The following SUGCT variants were observed in gnomAD, a reference collection of about 807,000 sequenced individuals.
The protein encoded by SUGCT is succinyl-CoA:glutarate-CoA transferase, also known as succinyl-CoA:glutarate CoA-transferase.
Under a neutral mutation model 55.0 loss-of-function variants are expected in SUGCT, and 41 were observed. The ratio of observed to expected loss-of-function variants is 0.74; its 90% CI spans 0.58 to 0.97. The LOEUF (loss-of-function observed/expected upper bound fraction) is 0.97, where lower values mean the gene tolerates loss of function less well. Among genes scored for constraint, SUGCT ranks in the 50% least tolerant of loss-of-function variants. The pLI is 0.00. For missense variants in SUGCT, 568 were observed against 547.8 expected (o/e 1.04, Z -0.37); for synonymous variants, 187 against 200.4 (o/e 0.93, Z 0.56).
intron 13 of SUGCT, among the ~76,000 whole-genome samples, chr7:40,839,560 T>G (rs2128787502): frequency 6.6e-6 from 1 of 152,344 alleles, no homozygotes; most frequent in East Asian, 1.9e-4. Context: ...TTAGAAAATT[T>G]TAAATTATGA....
chr7:40,706,505 C>CA (rs945060356), intron 12 of SUGCT, among the ~76,000 whole-genome samples: 1 of 151,098 alleles, frequency 6.6e-6, no homozygotes, highest in African/African-American at 2.4e-5. Flanking sequence ...GACTCTGTCT[C>CA]AAAAAAAAGA....
chr7:40,397,230 C>G (rs901134213), intron 9 of SUGCT, among the ~76,000 whole-genome samples: 2 of 152,140 alleles, frequency 1.3e-5, no homozygotes, highest in East Asian at 3.9e-4. Flanking sequence ...GTGGTTGGAA[C>G]TTTGCTTATA....
At chr7:40,931,902 T>A in the SUGCT span, among the ~76,000 whole-genome samples, 1 of 152,022 alleles carries the variant, frequency 6.6e-6, no homozygotes, top group Admixed American at 6.6e-5. Context: ...TTTTGAAGGG[T>A]TTTTTTGTGT....
the SUGCT span, among the ~76,000 whole-genome samples, chr7:40,983,270 TTACTGCTACTGAA>T: frequency 1.3e-5 from 2 of 152,130 alleles, no homozygotes; most frequent in Non-Finnish European, 2.9e-5. Flanking sequence ...CCATGCTTGT[TTACTGCTACTGAA>T]CACATCATTC....
At chr7:40,399,267 A>T (rs1291745626) in intron 9 of SUGCT, among the ~76,000 whole-genome samples, 1 of 152,200 alleles carries the variant, frequency 6.6e-6, no homozygotes, top group Non-Finnish European at 1.5e-5. Flanking sequence ...AGCCAAGGAA[A>T]AAAAATGTTG....
chr7:40,395,536 G>A (rs1027780625), intron 9 of SUGCT, among the ~76,000 whole-genome samples: 1 of 147,148 alleles, frequency 6.8e-6, no homozygotes, highest in Admixed American at 6.8e-5. Context: ...TCAATTTTGA[G>A]CCTCACCTCT....
chr7:40,557,547 C>T (rs957617968), intron 12 of SUGCT, among the ~76,000 whole-genome samples: 1 of 152,012 alleles, frequency 6.6e-6, no homozygotes, highest in Admixed American at 6.6e-5. Flanking sequence ...CCGAGGTGGG[C>T]GGATCACCTG....
At chr7:40,753,075 A>G (rs1452534739) in intron 13 of SUGCT, among the ~76,000 whole-genome samples, 1 of 152,202 alleles carries the variant, frequency 6.6e-6, no homozygotes, top group Non-Finnish European at 1.5e-5. Flanking sequence ...CTGCTTACAG[A>G]TGTCAGATAA....
At chr7:40,698,464 A>G (rs151225502) in intron 12 of SUGCT, among the ~76,000 whole-genome samples, 1 of 152,190 alleles carries the variant, frequency 6.6e-6, no homozygotes, top group Non-Finnish European at 1.5e-5. Context: ...CAAGTTCAGG[A>G]TGCTGTCTCC....
the SUGCT span, among the ~76,000 whole-genome samples, chr7:40,988,718 C>A: frequency 6.6e-6 from 1 of 152,006 alleles, no homozygotes. Flanking sequence ...TAAAGAACTC[C>A]CATAAACTTA....
At chr7:40,205,602 T>C (rs1312622961) in intron 6 of SUGCT, among the ~76,000 whole-genome samples, 1 of 135,672 alleles carries the variant, frequency 7.4e-6, no homozygotes, top group Non-Finnish European at 1.5e-5. Flanking sequence ...GATCATGCCA[T>C]TGCACTCCAG....
chr7:40,603,589 G>T (rs1326981840), intron 12 of SUGCT, among the ~76,000 whole-genome samples: 1 of 152,074 alleles, frequency 6.6e-6, no homozygotes, highest in Non-Finnish European at 1.5e-5. Flanking sequence ...TTTTATTCTG[G>T]ATTTAGATGG....
intron 13 of SUGCT, among the ~76,000 whole-genome samples, chr7:40,766,667 G>T (rs181330738): frequency 2.5e-3 from 374 of 152,240 alleles, no homozygotes; most frequent in African/African-American, 8.5e-3. Context: ...TATGTATAGA[G>T]AACTGCTGGA....
intron 12 of SUGCT, among the ~76,000 whole-genome samples, chr7:40,658,621 T>G (rs1801143219): frequency 6.6e-6 from 1 of 152,200 alleles, no homozygotes; most frequent in Non-Finnish European, 1.5e-5. Context: ...GATCTAGTTC[T>G]GTCTGATGCT....
At chr7:40,360,257 G>A (rs113606885) in intron 9 of SUGCT, among the ~76,000 whole-genome samples, 13 of 152,160 alleles carry the variant, frequency 8.5e-5, no homozygotes, top group Admixed American at 3.9e-4. Context: ...CAAGTGACCC[G>A]CCCGCCTTGG....
At chr7:40,480,473 C>T (rs1269587193) in intron 11 of SUGCT, among the ~76,000 whole-genome samples, 1 of 152,062 alleles carries the variant, frequency 6.6e-6, no homozygotes, top group Non-Finnish European at 1.5e-5. Flanking sequence ...TTTTGCTTTT[C>T]CTGCTCAAGA....
the SUGCT span, among the ~76,000 whole-genome samples, chr7:40,983,024 A>G: frequency 6.6e-6 from 1 of 152,196 alleles, no homozygotes; most frequent in Non-Finnish European, 1.5e-5. Flanking sequence ...TAGGTACATT[A>G]TATGTCAAGA....
chr7:40,691,899 G>A (rs1166585777), intron 12 of SUGCT, among the ~76,000 whole-genome samples: 2 of 152,132 alleles, frequency 1.3e-5, no homozygotes, highest in Non-Finnish European at 2.9e-5. Context: ...TTTGTTAAGT[G>A]CTCACCATGT....
intron 13 of SUGCT, among the ~76,000 whole-genome samples, chr7:40,833,776 A>G (rs1211168310): frequency 1.4e-5 from 2 of 147,782 alleles, no homozygotes; most frequent in Admixed American, 1.3e-4. Context: ...TGGTGAAGGC[A>G]GCATTTAGAA....
Sources: gnomAD v4.1 joint callset for allele counts (sites outside exome capture counted in the v4.1 genomes callset) on GRCh38, gnomAD v4.1.1 for gene constraint, MANE v1.5 for transcripts, NCBI Gene and HGNC (gene_info 2026-07-23, HGNC 2026-07-21) for gene names.